RBFOX1: variants seen among roughly 807,000 people sequenced by gnomAD.
RBFOX1 encodes the protein RNA binding protein fox-1 homolog 1.
A neutral mutation model predicts 57.7 loss-of-function variants in RBFOX1; 8 were observed. That is an observed-to-expected ratio of 0.14 (90% CI 0.08 to 0.25). The LOEUF (loss-of-function observed/expected upper bound fraction) is 0.25, where lower values mean the gene tolerates loss of function less well. Ranked by LOEUF, RBFOX1 falls within the 10% of genes least tolerant of loss-of-function variation. The pLI, the probability that RBFOX1 is intolerant of heterozygous loss-of-function variation, is 1.00. For synonymous variants in RBFOX1, 326 were observed against 222.4 expected, an observed-to-expected ratio of 1.47 and a Z score of -4.15; for missense variants, 611 against 548.5, an observed-to-expected ratio of 1.11 and a Z score of -1.14.
chr16:6,581,050 C>T (rs529102737), intron 2 of RBFOX1, among the ~76,000 whole-genome samples: 1 of 151,986 alleles, frequency 6.6e-6, no homozygotes, highest in Admixed American at 6.6e-5. Context: ...AAATATTTCT[C>T]CCACTTCATT....
chr16:5,299,597 C>G (rs2063755202), intron 1 of RBFOX1, among the ~76,000 whole-genome samples: 1 of 152,116 alleles, frequency 6.6e-6, no homozygotes, highest in Admixed American at 6.5e-5. Flanking sequence ...TCTGCCCTTG[C>G]CATTATTTTT....
intron 1 of RBFOX1, among the ~76,000 whole-genome samples, chr16:6,021,635 A>G (rs1226958314): frequency 6.6e-6 from 1 of 152,178 alleles, no homozygotes; most frequent in African/African-American, 2.4e-5. Context: ...GCCTCGGGTT[A>G]GGAAGAAAAG....
chr16:6,695,261 A>G (rs2060844019), intron 3 of RBFOX1, among the ~76,000 whole-genome samples: 1 of 152,012 alleles, frequency 6.6e-6, no homozygotes, highest in African/African-American at 2.4e-5. Flanking sequence ...CTCTACTGAA[A>G]ATAAAAAATT....
At chr16:6,968,412 G>C (rs1486263535) in intron 3 of RBFOX1, among the ~76,000 whole-genome samples, 1 of 151,386 alleles carries the variant, frequency 6.6e-6, no homozygotes, top group African/African-American at 2.4e-5. Context: ...TTTTTTTCCT[G>C]GTCTCATCTC....
At chr16:5,625,566 A>ATTTATTTG (rs1186893291) in intron 3 of RBFOX1, among the ~76,000 whole-genome samples, 2 of 149,524 alleles carry the variant, frequency 1.3e-5, no homozygotes, top group African/African-American at 2.5e-5. Context: ...TTATTTATTT[A>ATTTATTTG]TTTATTTTCG....
chr16:5,420,616 C>G lies in RBFOX1; in HGVS notation c.220-46600C>G, dbSNP rs2067289211. Among the ~76,000 whole-genome samples, 3 of 152,102 alleles carry G rather than the reference C, an allele frequency of 2.0e-5. No homozygotes were observed. In the South Asian group the frequency reaches 6.2e-4, roughly 32 times the overall value. On this transcript the variant is annotated intron_variant, in intron 1 of 2. Transcript: ENST00000585867. ...CTTGACCTCCCCAGGCTCCAGCGATCCTCCTACCTCAGCGTCCCCCAACCC... is the reference window on the plus strand; with the variant it reads ...CTTGACCTCCCCAGGCTCCAGCGATGCTCCTACCTCAGCGTCCCCCAACCC...
intron 3 of RBFOX1, among the ~76,000 whole-genome samples, chr16:5,841,044 G>A (rs2056608665): frequency 6.6e-6 from 1 of 152,224 alleles, no homozygotes; most frequent in African/African-American, 2.4e-5. Flanking sequence ...TCTCAGGCAG[G>A]TTAGCAAGCT....
At chr16:5,796,914 A>G (rs1280362953) in intron 3 of RBFOX1, among the ~76,000 whole-genome samples, 3 of 152,190 alleles carry the variant, frequency 2.0e-5, no homozygotes, top group Non-Finnish European at 4.4e-5. Context: ...GACAATATTT[A>G]TTGAGGATCT....
At chr16:6,387,453 A>G (rs1275824993) in intron 2 of RBFOX1, among the ~76,000 whole-genome samples, 1 of 148,438 alleles carries the variant, frequency 6.7e-6, no homozygotes, top group Non-Finnish European at 1.5e-5. Flanking sequence ...CACCCTAGAT[A>G]TGAAAGGACT....
At chr16:6,024,122 G>T (rs1211138735) in intron 1 of RBFOX1, among the ~76,000 whole-genome samples, 1 of 152,118 alleles carries the variant, frequency 6.6e-6, no homozygotes, top group Non-Finnish European at 1.5e-5. Flanking sequence ...GTCATTGTTC[G>T]CTAGTCAAAG....
intron 3 of RBFOX1, among the ~76,000 whole-genome samples, chr16:6,788,201 CA>C (rs1351046946): frequency 1.3e-5 from 2 of 151,970 alleles, no homozygotes; most frequent in Non-Finnish European, 2.9e-5. Context: ...CAGCCTGCAA[CA>C]AAAGTGAAAC....
At chr16:7,666,434 ACAAT>A (rs1038711701) in intron 13 of RBFOX1, among the ~76,000 whole-genome samples, 1 of 152,132 alleles carries the variant, frequency 6.6e-6, no homozygotes, top group Non-Finnish European at 1.5e-5. Context: ...AAAGTATTTC[ACAAT>A]CATTTAGTGA....
At chr16:5,362,756 G>C (rs1461503603) in intron 1 of RBFOX1, among the ~76,000 whole-genome samples, 1 of 151,852 alleles carries the variant, frequency 6.6e-6, no homozygotes, top group African/African-American at 2.4e-5. Flanking sequence ...CTGTGTGTTT[G>C]ACTGTTAGAG....
chr16:7,447,402 C>T (rs1273991802), intron 4 of RBFOX1, among the ~76,000 whole-genome samples: 2 of 137,696 alleles, frequency 1.5e-5, no homozygotes, highest in Non-Finnish European at 3.0e-5. Flanking sequence ...CACTGCACTC[C>T]AGGCTGGCCA....
chr16:5,323,597 C>T (rs1199407104), intron 1 of RBFOX1, among the ~76,000 whole-genome samples: 2 of 152,216 alleles, frequency 1.3e-5, no homozygotes, highest in African/African-American at 4.8e-5. Context: ...CAGAAGAGAT[C>T]GACTTTTAAA....
intron 3 of RBFOX1, among the ~76,000 whole-genome samples, chr16:5,798,554 G>T (rs1476662749): frequency 1.4e-4 from 22 of 152,196 alleles, no homozygotes; most frequent in Non-Finnish European, 1.5e-5. Context: ...TTACAGGGCA[G>T]AGGGCATCTG....
intron 3 of RBFOX1, among the ~76,000 whole-genome samples, chr16:6,970,299 C>G (rs1051587989): frequency 5.9e-5 from 9 of 152,160 alleles, no homozygotes; most frequent in Non-Finnish European, 1.3e-4. Flanking sequence ...ACATCATCAC[C>G]TAGACTATTT....
chr16:6,999,081 T>C (rs1425816754), intron 3 of RBFOX1, among the ~76,000 whole-genome samples: 1 of 150,720 alleles, frequency 6.6e-6, no homozygotes, highest in Non-Finnish European at 1.5e-5. Flanking sequence ...GTTGGCCAAG[T>C]TGGTCTTGAA....
At chr16:5,581,959 T>G (rs1251825908) in intron 2 of RBFOX1, among the ~76,000 whole-genome samples, 3 of 152,182 alleles carry the variant, frequency 2.0e-5, no homozygotes, top group African/African-American at 7.2e-5. Context: ...ACTGAGAAAC[T>G]CCTTTGGGGT....
Sources: allele counts gnomAD v4.1 joint callset (sites outside exome capture counted in the v4.1 genomes callset), GRCh38; gene constraint gnomAD v4.1.1; transcripts MANE v1.5; gene names NCBI Gene and HGNC (gene_info 2026-07-23, HGNC 2026-07-21).